TMEM135: variants seen among roughly 807,000 people sequenced by gnomAD.
The protein encoded by TMEM135 is peroxisomal membrane protein 52.
Under a neutral mutation model 60.3 loss-of-function variants are expected in TMEM135, and 30 were observed. The ratio of observed to expected loss-of-function variants is 0.50; its 90% CI spans 0.37 to 0.68. TMEM135 has a LOEUF of 0.68. TMEM135 is among the 30% of genes least tolerant of loss of function. The pLI, the probability that TMEM135 is intolerant of heterozygous loss-of-function variation, is 0.00. For synonymous variants in TMEM135, 190 were observed against 186.7 expected (o/e 1.02, Z -0.14); for missense variants, 468 against 548.8 (o/e 0.85, Z 1.47).
intron 6 of TMEM135, among the ~76,000 whole-genome samples, chr11:87,239,422 G>A (rs146728865): frequency 6.6e-6 from 1 of 151,720 alleles, no homozygotes; most frequent in African/African-American, 2.4e-5. Flanking sequence ...GCTTGTGTTG[G>A]GAATGAACAA....
intron 3 of TMEM135, among the ~76,000 whole-genome samples, chr11:87,073,447 C>CT (rs1264025723): frequency 6.6e-6 from 1 of 152,126 alleles, no homozygotes; most frequent in Non-Finnish European, 1.5e-5. Context: ...ATTAGAATGA[C>CT]TAAAATCAAA....
At chr11:87,062,296 A>G (rs552787979) in intron 1 of TMEM135, among the ~76,000 whole-genome samples, 1 of 149,722 alleles carries the variant, frequency 6.7e-6, no homozygotes, top group African/African-American at 2.5e-5. Context: ...GATCCACTGC[A>G]TCTAGCCCCT....
intron 4 of TMEM135, among the ~76,000 whole-genome samples, chr11:87,097,619 T>A (rs577269525): frequency 7.2e-5 from 11 of 152,186 alleles, no homozygotes; most frequent in Non-Finnish European, 1.5e-4. Context: ...TGGGGGGGTC[T>A]TTATGTTTCT....
At chr11:87,152,525 C>T (rs1938582748) in intron 4 of TMEM135, among the ~76,000 whole-genome samples, 1 of 152,188 alleles carries the variant, frequency 6.6e-6, no homozygotes, top group African/African-American at 2.4e-5. Flanking sequence ...CTGCAACCTC[C>T]ACCTCCTGGT....
intron 1 of TMEM135, among the ~76,000 whole-genome samples, chr11:87,055,526 C>G (rs1212976776): frequency 6.6e-6 from 1 of 151,656 alleles, no homozygotes; most frequent in South Asian, 2.1e-4. Context: ...TTCTATTTGT[C>G]TTCCTCCATT....
intron 3 of TMEM135, among the ~76,000 whole-genome samples, chr11:87,084,658 A>C (rs1198197997): frequency 1.3e-5 from 2 of 152,306 alleles, no homozygotes; most frequent in Non-Finnish European, 2.9e-5. Flanking sequence ...TGTATGCCGC[A>C]ACTTTGAGAG....
At chr11:87,156,236 A>G (rs1938691445) in intron 4 of TMEM135, among the ~76,000 whole-genome samples, 1 of 152,128 alleles carries the variant, frequency 6.6e-6, no homozygotes, top group Non-Finnish European at 1.5e-5. Flanking sequence ...CATCTTTATG[A>G]TAGTACCACA....
At chr11:87,311,068 T>G (rs1942633159) in intron 10 of TMEM135, among the ~76,000 whole-genome samples, 1 of 150,000 alleles carries the variant, frequency 6.7e-6, no homozygotes, top group Non-Finnish European at 1.5e-5. Flanking sequence ...ATAAATATAT[T>G]GAAAGAAGAA....
chr11:87,302,501 A>T, intron 8 of TMEM135, 59 bp downstream of exon 8: 1 of 1,604,672 alleles, frequency 6.2e-7, no homozygotes, highest in Non-Finnish European at 8.5e-7. Context: ...TGATATTTGT[A>T]CCATGCCAAG....
intron 6 of TMEM135, among the ~76,000 whole-genome samples, chr11:87,294,850 C>T (rs1012849738): frequency 1.3e-5 from 2 of 150,902 alleles, no homozygotes; most frequent in Admixed American, 6.6e-5. Context: ...ATAGTAATGT[C>T]CCCATTTTAA....
Position 87,324,543 on chromosome 11 carries a change from T to G in TMEM135, c.*3210T>G, listed in dbSNP as rs2134547122. Reference sequence around the variant, plus strand: ...TTCAAGCAATTATTTCCCCTCAGTCTCTAATAGCTGGGACAACAGGCATGT... The same window carrying G: ...TTCAAGCAATTATTTCCCCTCAGTCGCTAATAGCTGGGACAACAGGCATGT... On this transcript the variant is annotated 3_prime_UTR_variant, in exon 15 of 15. Coordinates refer to ENST00000305494, the MANE Select transcript of TMEM135 (RefSeq NM_022918.4). The G allele has an allele frequency of 2.2e-6, 1 of 453,004 alleles. No individual in the cohort carries two copies. The highest frequency in any genetic ancestry group is 1.6e-5 in the South Asian group (1 of 64,006). The allele number at this position is 453,004 out of a possible 1,614,324, so 28.1% of individuals were successfully genotyped here. A position where few individuals can be genotyped will look rare whatever the true frequency, so the allele number is the denominator to read the frequency against.
At chr11:87,214,079 A>C (rs925924079) in intron 5 of TMEM135, among the ~76,000 whole-genome samples, 1 of 152,196 alleles carries the variant, frequency 6.6e-6, no homozygotes, top group Non-Finnish European at 1.5e-5. Flanking sequence ...ACATTACTCT[A>C]TGGTGGTGTG....
chr11:87,116,841 G>C (rs911836676), intron 4 of TMEM135, among the ~76,000 whole-genome samples: 2 of 141,932 alleles, frequency 1.4e-5, no homozygotes, highest in African/African-American at 5.2e-5. Flanking sequence ...TTTTTTTTTT[G>C]ACATGAAATT....
At chr11:87,301,335 C>T (rs758986727) in intron 7 of TMEM135, among the ~76,000 whole-genome samples, 1 of 152,038 alleles carries the variant, frequency 6.6e-6, no homozygotes, top group Non-Finnish European at 1.5e-5. Context: ...CCCACTGTAG[C>T]CTTTAATTCC....
Position 87,067,681 on chromosome 11 carries a change from T to C in TMEM135, c.142-13T>C, listed in dbSNP as rs752754282. 14 of 1,613,236 alleles carry C rather than the reference T, an allele frequency of 8.7e-6. No individual in the cohort carries two copies. The African/African-American group carries it at 1.5e-4, about 17-fold the overall frequency. ...GTTGGTTGGATTAAACAAAAAATCC[T>C]TTCTCTTTCCAGATTGCAGCAATTC... On this transcript the variant is annotated splice_polypyrimidine_tract_variant and intron_variant, in intron 1 of 14. Coordinates refer to ENST00000305494, the MANE Select transcript of TMEM135 (RefSeq NM_022918.4).
At chr11:87,222,921 C>T (rs370794516) in intron 5 of TMEM135, among the ~76,000 whole-genome samples, 2 of 152,106 alleles carry the variant, frequency 1.3e-5, no homozygotes, top group South Asian at 4.1e-4. Flanking sequence ...TATTCAACAT[C>T]GTTACATCTT....
At chr11:87,192,237 A>G (rs1429132793) in intron 5 of TMEM135, among the ~76,000 whole-genome samples, 3 of 150,736 alleles carry the variant, frequency 2.0e-5, no homozygotes, top group African/African-American at 7.3e-5. Flanking sequence ...GATCCGCCCA[A>G]CTTGGCCTCC....
chr11:87,282,687 C>T (rs954563796), intron 6 of TMEM135, among the ~76,000 whole-genome samples: 1 of 152,168 alleles, frequency 6.6e-6, no homozygotes, highest in African/African-American at 2.4e-5. Flanking sequence ...TTTATATTGT[C>T]CAAGATCCCT....
chr11:87,199,920 A>G (rs1483889603), intron 5 of TMEM135, among the ~76,000 whole-genome samples: 5 of 152,110 alleles, frequency 3.3e-5, no homozygotes, highest in African/African-American at 1.2e-4. Flanking sequence ...ACAGAGCAAG[A>G]CTCCATCTCA....
Sources: allele counts gnomAD v4.1 joint callset (sites outside exome capture counted in the v4.1 genomes callset), GRCh38; gene constraint gnomAD v4.1.1; transcripts MANE v1.5; gene names NCBI Gene and HGNC (gene_info 2026-07-23, HGNC 2026-07-21).